SPATA13: variants seen among roughly 807,000 people sequenced by gnomAD.
SPATA13 encodes spermatogenesis associated 13, also known as spermatogenesis-associated protein 13.
In SPATA13, 50 loss-of-function variants were observed where a neutral mutation model predicts 104.0. The observed-to-expected ratio is 0.48, with a 90% CI of 0.38 to 0.61. The LOEUF (loss-of-function observed/expected upper bound fraction) is 0.61. SPATA13 is among the 20% of genes least tolerant of loss of function. The probability of loss-of-function intolerance (pLI) is 0.00; values close to 1 mark genes in which losing one functional copy is unlikely to be tolerated. For synonymous variants in SPATA13, 606 were observed against 667.5 expected, an observed-to-expected ratio of 0.91 and a Z score of 1.42; for missense variants, 1,524 against 1,690.6, an observed-to-expected ratio of 0.90 and a Z score of 1.73.
rs1877593711 is a variant in SPATA13 at position 24,306,639 on chromosome 13, A to C, written c.*3866A>C. 6.6e-6 allele frequency: 1 copy of C among 152,258 alleles called. No homozygotes were observed. The highest frequency in any genetic ancestry group is 6.5e-5 in the Admixed American group (1 of 15,290). The allele number at this position is 152,258 out of a possible 1,614,324, so 9.4% of individuals were successfully genotyped here. ...GTGGAACATGACTGATCTTGAAAAA[A>C]AAAGCAAAAGCTTAAATATTTGATA... On this transcript the variant is annotated 3_prime_UTR_variant, in exon 13 of 13. Coordinates refer to ENST00000382108, the MANE Select transcript of SPATA13 (RefSeq NM_001166271.3).
At chr13:24,177,781 G>A (rs1209712806) in intron 1 of SPATA13, among the ~76,000 whole-genome samples, 2 of 151,868 alleles carry the variant, frequency 1.3e-5, no homozygotes, top group African/African-American at 4.8e-5. Flanking sequence ...TCCCATTCAG[G>A]AGGGCTCTGC....
At position 24,205,409 on chromosome 13, in the gene SPATA13, GA is replaced by G. The variant is rs999783110; in HGVS notation, c.-111-17408del. Reference sequence around the variant, plus strand: ...GAGAAGTGAAGGACCTCTTCAAGGAGAATTACAAACCACTGCTCAAAGAAAT... The same window carrying G: ...GAGAAGTGAAGGACCTCTTCAAGGAGATTACAAACCACTGCTCAAAGAAAT... On this transcript the variant is annotated intron_variant, in intron 1 of 12. Coordinates refer to ENST00000382108, the MANE Select transcript of SPATA13 (RefSeq NM_001166271.3). The surrounding 1 kb of genome is among the most constrained non-coding windows in gnomAD (Gnocchi z 4.1). Among the ~76,000 whole-genome samples, 6 of 152,108 alleles carry G rather than the reference GA, an allele frequency of 3.9e-5. No individual in the cohort carries two copies.
chr13:24,187,952 T>C (rs1869258046), intron 1 of SPATA13, among the ~76,000 whole-genome samples: 1 of 152,196 alleles, frequency 6.6e-6, no homozygotes, highest in Non-Finnish European at 1.5e-5. Context: ...GAGGAAGGCA[T>C]GTTGAAAGCC....
intron 8 of SPATA13, 41 bp downstream of exon 8, chr13:24,289,219 C>T (rs769610850): frequency 6.5e-7 from 1 of 1,541,000 alleles, no homozygotes; most frequent in South Asian, 1.2e-5. Flanking sequence ...CATCTGCTTA[C>T]ATAATTTTGA....
upstream of SPATA13, among the ~76,000 whole-genome samples, chr13:24,159,280 AT>A (rs1882367677): frequency 6.6e-6 from 1 of 152,164 alleles, no homozygotes; most frequent in African/African-American, 2.4e-5. Flanking sequence ...TTTGGTTTTT[AT>A]ATTTTTTCAG....
intron 8 of SPATA13, among the ~76,000 whole-genome samples, chr13:24,289,723 C>T (rs1876202287): frequency 6.6e-6 from 1 of 152,148 alleles, no homozygotes; most frequent in Non-Finnish European, 1.5e-5. Context: ...TGCCTCAGAA[C>T]CTTCCTGTGA....
At chr13:24,145,370 C>T (rs1329181143) in intron 3 of SPATA13, among the ~76,000 whole-genome samples, 1 of 152,170 alleles carries the variant, frequency 6.6e-6, no homozygotes, top group Non-Finnish European at 1.5e-5. Flanking sequence ...CCAAACAGGA[C>T]TTTTCAGGGG....
At chr13:24,266,879 CCT>C (rs998693670) in intron 4 of SPATA13, among the ~76,000 whole-genome samples, 1 of 151,528 alleles carries the variant, frequency 6.6e-6, no homozygotes, top group African/African-American at 2.4e-5. Context: ...GCAGCCTCAA[CCT>C]CTCAGTCTCA....
chr13:24,284,229 T>A lies in SPATA13; in HGVS notation c.2259T>A (p.Pro753=), dbSNP rs1270637936. Residue 753 remains proline, a synonymous_variant, in exon 5 of 13, where the codon CCT becomes CCA. Coordinates refer to ENST00000382108, the MANE Select transcript of SPATA13 (RefSeq NM_001166271.3). ...FSYEDLCQAS[P]RYLQPGGEQL... ...ATGAAGACCTCTGCCAGGCCAGCCC[T>A]CGGTACCTGCAGCCCGGCGGGGAGC... The A allele has an allele frequency of 6.2e-6, 10 of 1,613,704 alleles. No individual in the cohort carries two copies. Among genetic ancestry groups the A allele is most frequent in the Non-Finnish European group, 8.5e-6 (10 of 1,179,920 alleles).
At position 24,286,929 on chromosome 13, in the gene SPATA13, A is replaced by T. The variant is rs375234139; in HGVS notation, c.2646A>T (p.Lys882Asn). Residue 882 changes from lysine (K) to asparagine (N), a missense_variant, in exon 7 of 13, where the codon AAA becomes AAT. Lys to Asn is a moderately conservative substitution (Grantham distance 94). This residue lies in a region of SPATA13 where 435 missense variants were observed against 554.8 expected (regional missense o/e 0.78). Transcript: ENST00000382108. The surrounding 1 kb of genome is among the most constrained non-coding windows in gnomAD (Gnocchi z 4.9). ...TGGACACCGAGCGGGTGTACATCAAACACCTCAGGGACATCTGTGAGGTGG... is the reference window on the plus strand; with the variant it reads ...TGGACACCGAGCGGGTGTACATCAATCACCTCAGGGACATCTGTGAGGTGG... ...EIMDTERVYI[K>N]HLRDICEGYI... The T allele has an allele frequency of 6.4e-5, 103 of 1,613,580 alleles. No individual in the cohort carries two copies. Among genetic ancestry groups the T allele is most frequent in the Non-Finnish European group, 8.0e-5 (94 of 1,179,884 alleles).
chr13:24,134,718 A>G (rs563899346), intron 3 of SPATA13, among the ~76,000 whole-genome samples: 14 of 152,292 alleles, frequency 9.2e-5, no homozygotes, highest in Middle Eastern at 3.4e-3. Flanking sequence ...ACCAGTACCA[A>G]CATTGCTCCC....
At chr13:24,178,613 A>G (rs986148111) in intron 1 of SPATA13, among the ~76,000 whole-genome samples, 3 of 152,168 alleles carry the variant, frequency 2.0e-5, no homozygotes, top group Admixed American at 6.5e-5. Flanking sequence ...GGATCAAAAA[A>G]CTTAGTGAAC....
chr13:24,261,070 C>G (rs567025926), intron 4 of SPATA13, among the ~76,000 whole-genome samples: 2 of 152,162 alleles, frequency 1.3e-5, no homozygotes, highest in Non-Finnish European at 2.9e-5. Flanking sequence ...TTCAGGCTGC[C>G]TGGGAGGACA....
intron 3 of SPATA13, among the ~76,000 whole-genome samples, chr13:24,050,829 T>C (rs1593299481): frequency 6.6e-6 from 1 of 152,292 alleles, no homozygotes; most frequent in East Asian, 1.9e-4. Flanking sequence ...GTAGTGGCAG[T>C]CATTTGTGTA....
At position 24,176,920 on chromosome 13, in the gene SPATA13, C is replaced by T. The variant is rs904382794; in HGVS notation, c.-112+15988C>T. 3.3e-5 allele frequency among the ~76,000 whole-genome samples: 5 copies of T among 152,088 alleles called. No homozygotes were observed. In the South Asian group the frequency reaches 6.2e-4, roughly 19 times the overall value. On this transcript the variant is annotated intron_variant, in intron 1 of 12. Coordinates refer to ENST00000382108, the MANE Select transcript of SPATA13 (RefSeq NM_001166271.3). The stretch of plus-strand genomic sequence containing the variant: ...CTGGGACCACAGACGTGTGCCACCA[C>T]GCGCAGCTTATTTTTGTATTTTTAG...
At chr13:24,220,256 T>C (rs1328178240) in intron 1 of SPATA13, among the ~76,000 whole-genome samples, 3 of 152,308 alleles carry the variant, frequency 2.0e-5, no homozygotes, top group South Asian at 2.1e-4. Flanking sequence ...CCGATTCCCA[T>C]GTCTTGGGCC....
intron 1 of SPATA13, among the ~76,000 whole-genome samples, chr13:24,217,927 A>G (rs1364139920): frequency 3.9e-5 from 6 of 152,224 alleles, no homozygotes; most frequent in Admixed American, 3.9e-4. Context: ...ACCTGGACAG[A>G]AGCCATTTGT....
At chr13:24,243,364 C>T (rs1872952504) in intron 2 of SPATA13, among the ~76,000 whole-genome samples, 1 of 152,158 alleles carries the variant, frequency 6.6e-6, no homozygotes, top group Non-Finnish European at 1.5e-5. Flanking sequence ...GTTACCAGAG[C>T]CTCTGATAAC....
chr13:24,172,578 GTCTAATTGCTCTA>G lies in SPATA13; in HGVS notation c.-112+11647_-112+11659del, dbSNP rs1471049029. On this transcript the variant is annotated intron_variant, in intron 1 of 12. Coordinates refer to ENST00000382108, the MANE Select transcript of SPATA13 (RefSeq NM_001166271.3). Reference sequence around the variant, plus strand: ...AGTGTTTTTTTCTTGGCCTGTAGATGTCTAATTGCTCTAGCACTGTTTGTTGAAAAAACATCCT... The same window carrying G: ...AGTGTTTTTTTCTTGGCCTGTAGATGGCACTGTTTGTTGAAAAAACATCCT... Among the ~76,000 whole-genome samples, 3 of 152,320 alleles carry G rather than the reference GTCTAATTGCTCTA, an allele frequency of 2.0e-5. No individual in the cohort carries two copies. In the East Asian group the frequency reaches 5.8e-4, roughly 29 times the overall value.
Sources: allele counts gnomAD v4.1 joint callset (sites outside exome capture counted in the v4.1 genomes callset), GRCh38; gene constraint gnomAD v4.1.1; regional missense constraint gnomAD v4.1.1; non-coding constraint Gnocchi (gnomAD v3.1); transcripts MANE v1.5; gene names NCBI Gene and HGNC (gene_info 2026-07-23, HGNC 2026-07-21).